Variants in STK39 observed in about 807,000 individuals in gnomAD.
STK39 encodes the protein serine/threonine kinase 39.
A neutral mutation model predicts 77.8 loss-of-function variants in STK39; 20 were observed. The ratio of observed to expected loss-of-function variants is 0.26; its 90% CI spans 0.18 to 0.37. The LOEUF (loss-of-function observed/expected upper bound fraction) is 0.37. Ranked by LOEUF, STK39 falls within the 10% of genes least tolerant of loss-of-function variation. STK39 has a pLI of 1.00. For synonymous variants in STK39, 246 were observed against 234.1 expected (o/e 1.05, Z -0.47); for missense variants, 479 against 656.5 (o/e 0.73, Z 2.95).
chr2:168,047,773 C>T (rs114325906), intron 14 of STK39, among the ~76,000 whole-genome samples: 1,599 of 152,278 alleles, frequency 0.011, 37 homozygotes, highest in African/African-American at 0.037. Flanking sequence ...GGCAGAAGCC[C>T]TCCAATGCTT....
At chr2:168,090,372 A>T (rs887325331) in intron 10 of STK39, among the ~76,000 whole-genome samples, 1 of 152,240 alleles carries the variant, frequency 6.6e-6, no homozygotes, top group Non-Finnish European at 1.5e-5. Flanking sequence ...CACCACAAGG[A>T]AACTTCTCCC....
At chr2:168,169,328 G>GTC (rs373371627) in intron 2 of STK39, among the ~76,000 whole-genome samples, 16 of 152,278 alleles carry the variant, frequency 1.1e-4, no homozygotes, top group African/African-American at 3.8e-4. Flanking sequence ...CACACTGAAG[G>GTC]TCTGTAGCAT....
chr2:168,007,332 T>TA (rs1559054183), intron 16 of STK39, among the ~76,000 whole-genome samples: 1 of 152,140 alleles, frequency 6.6e-6, no homozygotes, highest in Non-Finnish European at 1.5e-5. Context: ...GTTTCTAAAG[T>TA]AAATGTTACG....
In STK39 at chr2:168,077,889, C is replaced by CAATTCGGGAATTGAA. The variant is rs1419450594; in HGVS notation, c.1090-2659_1090-2658insTTCAATTCCCGAATT. On this transcript the variant is annotated intron_variant, in intron 10 of 17. Transcript: ENST00000355999. ...TATTCGGGAATTGAATAATACCTTG[C>CAATTCGGGAATTGAA]AAAGTTAAAACTTCAAAAAAAAAAA... Among the ~76,000 whole-genome samples, 5 of 138,544 alleles carry CAATTCGGGAATTGAA rather than the reference C, an allele frequency of 3.6e-5. No individual in the cohort carries two copies. In the East Asian group the frequency reaches 1.0e-3, roughly 28 times the overall value. The allele number at this position is 138,544 out of a possible 152,430, so 90.9% of individuals were successfully genotyped here. A position where few individuals can be genotyped will look rare whatever the true frequency, so the allele number is the denominator to read the frequency against.
intron 17 of STK39, among the ~76,000 whole-genome samples, chr2:167,964,090 A>G (rs974845963): frequency 6.6e-6 from 1 of 152,170 alleles, no homozygotes; most frequent in Non-Finnish European, 1.5e-5. Context: ...GTGGCCACCT[A>G]GTACTTAAGT....
At chr2:168,134,089 TG>T (rs1559113240) in intron 8 of STK39, among the ~76,000 whole-genome samples, 1 of 152,222 alleles carries the variant, frequency 6.6e-6, no homozygotes, top group East Asian at 1.9e-4. Context: ...ACGTCTTACA[TG>T]GCCACTAGCA....
intron 8 of STK39, among the ~76,000 whole-genome samples, chr2:168,133,074 A>G (rs547881562): frequency 6.6e-6 from 1 of 152,152 alleles, no homozygotes; most frequent in Non-Finnish European, 1.5e-5. Context: ...GTAAGGAGGC[A>G]AAGTGCCTCC....
chr2:168,212,129 A>C (rs558093840), intron 1 of STK39, among the ~76,000 whole-genome samples: 3 of 152,350 alleles, frequency 2.0e-5, no homozygotes, highest in African/African-American at 7.2e-5. Flanking sequence ...GTGAAAGAAG[A>C]AAGCTTGAGT....
intron 1 of STK39, among the ~76,000 whole-genome samples, chr2:168,191,211 C>T (rs1002553528): frequency 2.0e-5 from 3 of 152,154 alleles, no homozygotes; most frequent in African/African-American, 7.2e-5. Flanking sequence ...CTGGACACAA[C>T]GGAGTGCAGG....
chr2:168,101,075 G>GA (rs1214538450), intron 10 of STK39, among the ~76,000 whole-genome samples: 4 of 152,180 alleles, frequency 2.6e-5, no homozygotes, highest in African/African-American at 4.8e-5. Context: ...GATGAAGCTG[G>GA]AAACCATCAT....
chr2:167,987,114 A>G lies in STK39; in HGVS notation c.1499-22388T>C, dbSNP rs139216343. 1.3e-3 allele frequency among the ~76,000 whole-genome samples: 192 copies of G among 152,276 alleles called. 3 individuals carry two copies. The highest frequency in any genetic ancestry group is 4.1e-3 in the African/African-American group (169 of 41,552). On this transcript the variant is annotated intron_variant, in intron 16 of 17. Transcript: ENST00000355999. The stretch of plus-strand genomic sequence containing the variant: ...ACTGGCTTTTCCCTCCCATTGGAAG[A>G]AATCAAATGAAAAGCTGTGATTTCT...
intron 1 of STK39, among the ~76,000 whole-genome samples, chr2:168,241,686 C>T (rs1299466986): frequency 6.6e-6 from 1 of 152,236 alleles, no homozygotes; most frequent in Non-Finnish European, 1.5e-5. Flanking sequence ...TCAAGCCACT[C>T]CAGAATCCTG....
chr2:168,048,774 G>A (rs1685318067), intron 14 of STK39, among the ~76,000 whole-genome samples: 1 of 152,142 alleles, frequency 6.6e-6, no homozygotes, highest in Non-Finnish European at 1.5e-5. Flanking sequence ...CCCGCCACCT[G>A]ACACCAGCTA....
chr2:168,140,515 T>C (rs1687953328), intron 6 of STK39, 125 bp from the exon 7 acceptor site: 2 of 1,154,286 alleles, frequency 1.7e-6, no homozygotes, highest in Admixed American at 2.0e-5. Flanking sequence ...GCTAATTAGC[T>C]AGCAATTGAG....
intron 2 of STK39, among the ~76,000 whole-genome samples, chr2:168,178,747 C>T (rs906316389): frequency 6.6e-6 from 1 of 152,228 alleles, no homozygotes; most frequent in African/African-American, 2.4e-5. Flanking sequence ...GTAATTAGCA[C>T]TTCCCTTCAG....
intron 8 of STK39, among the ~76,000 whole-genome samples, chr2:168,136,107 G>C (rs576912698): frequency 6.6e-6 from 1 of 151,824 alleles, no homozygotes; most frequent in Non-Finnish European, 1.5e-5. Context: ...GGTAGCTCAT[G>C]CCTGTAATCC....
intron 16 of STK39, among the ~76,000 whole-genome samples, chr2:167,971,203 G>C (rs1482108243): frequency 6.6e-6 from 1 of 152,100 alleles, no homozygotes; most frequent in Non-Finnish European, 1.5e-5. Flanking sequence ...TTTGTGTTTT[G>C]AGTTCTCTGA....
At chr2:168,243,046 C>T (rs981200635) in intron 1 of STK39, among the ~76,000 whole-genome samples, 2 of 152,010 alleles carry the variant, frequency 1.3e-5, no homozygotes, top group Non-Finnish European at 2.9e-5. Flanking sequence ...AACAAACAAA[C>T]TAATCAAGAT....
intron 17 of STK39, among the ~76,000 whole-genome samples, chr2:167,957,543 CTT>C (rs1256461127): frequency 6.6e-6 from 1 of 152,186 alleles, no homozygotes; most frequent in East Asian, 1.9e-4. Context: ...ATGTGTAGCT[CTT>C]GTTAACATCA....
Sources: allele counts gnomAD v4.1 joint callset (sites outside exome capture counted in the v4.1 genomes callset), GRCh38; gene constraint gnomAD v4.1.1; transcripts MANE v1.5; gene names NCBI Gene and HGNC (gene_info 2026-07-23, HGNC 2026-07-21).